The following POLR3E variants were observed in gnomAD, a reference collection of about 807,000 sequenced individuals.
The protein encoded by POLR3E is DNA-directed RNA polymerase III subunit RPC5.
Under a neutral mutation model 96.6 loss-of-function variants are expected in POLR3E, and 41 were observed. The observed-to-expected ratio is 0.42, with a 90% CI of 0.33 to 0.55. POLR3E has a LOEUF of 0.55. POLR3E is among the 20% of genes least tolerant of loss of function. The probability of loss-of-function intolerance (pLI) is 0.06; values close to 1 mark genes in which losing one functional copy is unlikely to be tolerated. For synonymous variants in POLR3E, 396 were observed against 383.6 expected (o/e 1.03, Z -0.38); for missense variants, 849 against 952.1 (o/e 0.89, Z 1.43).
chr16:22,300,610 G>A (rs1198712463), intron 1 of POLR3E, among the ~76,000 whole-genome samples: 2 of 152,252 alleles, frequency 1.3e-5, no homozygotes, highest in South Asian at 2.1e-4. Context: ...GGCAGCCGGT[G>A]CAGATGGGGT....
Position 22,326,205 on chromosome 16 carries a change from T to A in POLR3E, c.1793T>A (p.Leu598His), listed in dbSNP as rs1207247345. 1 of 1,613,080 alleles carries A rather than the reference T, an allele frequency of 6.2e-7. No homozygotes were observed. Among genetic ancestry groups the A allele is most frequent in the Non-Finnish European group, 8.5e-7 (1 of 1,179,800 alleles). ...HLASLPPGHT[L>H]FSGISDRMLQ... ...GCCAGCCTGCCCCCCGGCCACACACTCTTCAGCGGCATCTCGGACCGCATG... is the reference window on the plus strand; with the variant it reads ...GCCAGCCTGCCCCCCGGCCACACACACTTCAGCGGCATCTCGGACCGCATG... Residue 598 changes from leucine (L) to histidine (H), a missense_variant, in exon 18 of 21, where the codon CTC becomes CAC. Transcript: ENST00000299853.
At chr16:22,324,818 G>A (rs755753649) in intron 16 of POLR3E, among the ~76,000 whole-genome samples, 158 bp downstream of exon 16, 14 of 152,072 alleles carry the variant, frequency 9.2e-5, no homozygotes, top group East Asian at 2.0e-4. Context: ...GTGGGGGTCC[G>A]CAGGCCCCAC....
chr16:22,331,096 A>G (rs1204102622), intron 19 of POLR3E, among the ~76,000 whole-genome samples: 2 of 133,098 alleles, frequency 1.5e-5, no homozygotes, highest in South Asian at 2.5e-4. Flanking sequence ...CCTCCGCCTC[A>G]GCCTCCTGAG....
Position 22,325,814 on chromosome 16 carries a change from G to A in POLR3E, c.1402G>A (p.Ala468Thr), listed in dbSNP as rs1367354301. The A allele has an allele frequency of 1.2e-6, 2 of 1,607,340 alleles. No individual in the cohort carries two copies. Among genetic ancestry groups the A allele is most frequent in the South Asian group, 1.1e-5 (1 of 89,962 alleles). ...DQRIQVAKTKAQQNHALLERE... is the reference protein window; with the variant it reads ...DQRIQVAKTKTQQNHALLERE... ...GCGGATCCAAGTAGCCAAAACCAAG[G>A]CCCAGCAGAACCACGCGTTGCTGGA... The change falls in exon 18 of 21, where the codon GCC becomes ACC. Residue 468 changes from alanine (A) to threonine (T), a missense_variant. Coordinates refer to ENST00000299853, the MANE Select transcript of POLR3E (RefSeq NM_018119.4).
At chr16:22,320,203 C>T (rs1038202079) in intron 13 of POLR3E, among the ~76,000 whole-genome samples, 2 of 152,084 alleles carry the variant, frequency 1.3e-5, no homozygotes, top group African/African-American at 2.4e-5. Flanking sequence ...TTTAATTTGC[C>T]AATCTTCTCT....
At chr16:22,321,475 TG>T in intron 13 of POLR3E, among the ~76,000 whole-genome samples, 1 of 152,362 alleles carries the variant, frequency 6.6e-6, no homozygotes, top group Non-Finnish European at 1.5e-5. Context: ...TGTTGTCCTT[TG>T]TTACACGTTT....
intron 20 of POLR3E, among the ~76,000 whole-genome samples, 179 bp from the exon 21 acceptor site, chr16:22,333,465 A>G (rs982780012): frequency 6.6e-6 from 1 of 151,664 alleles, no homozygotes; most frequent in Non-Finnish European, 1.5e-5. Flanking sequence ...AAAAAAAAAA[A>G]AACACTACCC....
chr16:22,321,508 A>G (rs531015859), intron 13 of POLR3E, among the ~76,000 whole-genome samples: 45 of 152,322 alleles, frequency 3.0e-4, no homozygotes, highest in African/African-American at 9.9e-4. Context: ...GGCTTTTGCA[A>G]TGGCGCATCG....
chr16:22,324,184 G>C (rs1160969260), intron 14 of POLR3E, among the ~76,000 whole-genome samples, 170 bp from the exon 15 acceptor site: 1 of 151,900 alleles, frequency 6.6e-6, no homozygotes, highest in Admixed American at 6.5e-5. Flanking sequence ...GAAAAGGAGG[G>C]AGGTGCAGAG....
At chr16:22,323,943 G>A (rs186930564) in intron 14 of POLR3E, among the ~76,000 whole-genome samples, 7 of 152,316 alleles carry the variant, frequency 4.6e-5, no homozygotes, top group African/African-American at 7.2e-5. Flanking sequence ...GCTGCAGGGG[G>A]CTGAGAGCTT....
Position 22,322,736 on chromosome 16 carries a change from G to T in POLR3E, c.987-114G>T. 2.8e-6 allele frequency: 2 copies of T among 716,300 alleles called. No homozygotes were observed. The highest frequency in any genetic ancestry group is 4.3e-5 in the Admixed American group (2 of 46,988). 44.4% of individuals were successfully genotyped at this position (716,300 alleles called of 1,614,324 possible). On this transcript the variant is annotated intron_variant, in intron 13 of 20. Coordinates refer to ENST00000299853, the MANE Select transcript of POLR3E (RefSeq NM_018119.4). The surrounding 1 kb of genome is among the most constrained non-coding windows in gnomAD (Gnocchi z 5.2). ...CCTAAGGGGAGGTCTTGGGGCTCAG[G>T]CCTGTACCCAGCCCACGGTGGAAAG... is the stretch of plus-strand genomic sequence containing the variant.
intron 13 of POLR3E, among the ~76,000 whole-genome samples, chr16:22,319,877 T>G (rs1475758491): frequency 1.3e-5 from 2 of 152,188 alleles, no homozygotes; most frequent in Non-Finnish European, 2.9e-5. Context: ...CTATTTAAAA[T>G]TATACAATAA....
chr16:22,312,541 G>T (rs1244325071), intron 6 of POLR3E, among the ~76,000 whole-genome samples: 1 of 151,724 alleles, frequency 6.6e-6, no homozygotes, highest in African/African-American at 2.4e-5. Flanking sequence ...TGGACTATAT[G>T]GTACGTGAGT....
At position 22,325,764 on chromosome 16, in the gene POLR3E, C is replaced by T. The variant is rs1476254509; in HGVS notation, c.1352C>T (p.Pro451Leu). The change falls in exon 18 of 21, where the codon CCT becomes CTT. Residue 451 changes from proline to leucine, a missense_variant. Physicochemically the swap from Pro to Leu is moderately conservative, Grantham distance 98 (BLOSUM62 -3). Transcript: ENST00000299853. ...MPKKPDAQSGPAGLVCGDQRI... is the reference protein window; with the variant it reads ...MPKKPDAQSGLAGLVCGDQRI... ...AGTGCTGCCTCCCTCCCCGCAGGGCCTGCCGGGCTGGTCTGTGGGGACCAG... is the reference window on the plus strand; with the variant it reads ...AGTGCTGCCTCCCTCCCCGCAGGGCTTGCCGGGCTGGTCTGTGGGGACCAG... The T allele has an allele frequency of 1.3e-6, 2 of 1,558,392 alleles. No individual in the cohort carries two copies.
In POLR3E at chr16:22,314,084, G is replaced by C. The variant is rs1330418091; in HGVS notation, c.478G>C (p.Asp160His). 6.2e-7 allele frequency: 1 copy of C among 1,613,874 alleles called. No individual in the cohort carries two copies. Among genetic ancestry groups the C allele is most frequent in the Admixed American group, 1.7e-5 (1 of 60,012 alleles). Residue 160 changes from aspartate (D) to histidine (H), a missense_variant, in exon 8 of 21, where the codon GAC (aspartate) becomes CAC (histidine). Asp to His is a moderately conservative substitution (Grantham distance 81, BLOSUM62 -1). Transcript: ENST00000299853. ...REREAANEAG[D>H]SSQDEAEDDV... is the part of the protein sequence containing the mutation. ...GTGGCTTGTCTCTCTTGCAGCAGGG[G>C]ACTCTTCACAGGATGAGGCGGAAGA...
chr16:22,304,241 C>T (rs765560977), intron 2 of POLR3E, among the ~76,000 whole-genome samples: 12 of 152,156 alleles, frequency 7.9e-5, no homozygotes, highest in South Asian at 2.1e-4. Flanking sequence ...TCCTTATATG[C>T]GGAGCCTGAC....
Position 22,325,217 on chromosome 16 carries a change from C to T in POLR3E, c.1299C>T (p.Val433=), listed in dbSNP as rs766738216. 2 of 1,613,100 alleles carry T rather than the reference C, an allele frequency of 1.2e-6. No individual in the cohort carries two copies. Among genetic ancestry groups the T allele is most frequent in the East Asian group, 4.5e-5 (2 of 44,884 alleles). ...WTGIQAKLEK[V]YNLVKETMPK... is the part of the protein sequence containing the mutation. Reference sequence around the variant, plus strand: ...CTCTTCTTTTCAGACTGGAAAAAGTCTATAATCTTGTAAAGGAAACCATGC... The same window carrying T: ...CTCTTCTTTTCAGACTGGAAAAAGTTTATAATCTTGTAAAGGAAACCATGC... Residue 433 remains valine, a synonymous_variant, in exon 17 of 21, where the codon GTC becomes GTT. Coordinates refer to ENST00000299853, the MANE Select transcript of POLR3E (RefSeq NM_018119.4).
At chr16:22,305,694 C>G (rs12597260) in intron 3 of POLR3E, among the ~76,000 whole-genome samples, 2,457 of 152,228 alleles carry the variant, frequency 0.016, 91 homozygotes, top group East Asian at 0.1. Flanking sequence ...ATGGCAGCGT[C>G]TGTGAGCCCT....
At chr16:22,325,063 G>A (rs2048550370) in intron 16 of POLR3E, 142 bp from the exon 17 acceptor site, 1 of 726,818 alleles carries the variant, frequency 1.4e-6, no homozygotes, top group Admixed American at 2.0e-5. Context: ...TGCCAGAAGA[G>A]GGACTCAGTA....
Sources: allele counts gnomAD v4.1 joint callset (sites outside exome capture counted in the v4.1 genomes callset), GRCh38; gene constraint gnomAD v4.1.1; non-coding constraint Gnocchi (gnomAD v3.1); transcripts MANE v1.5; gene names NCBI Gene and HGNC (gene_info 2026-07-23, HGNC 2026-07-21).